Variants in RASA1 observed in about 807,000 individuals in gnomAD.
The protein encoded by RASA1 is ras GTPase-activating protein 1.
Under a neutral mutation model 132.2 loss-of-function variants are expected in RASA1, and 25 were observed. The observed-to-expected ratio is 0.19, with a 90% CI of 0.14 to 0.26. The LOEUF is 0.26. RASA1 is among the 10% of genes least tolerant of loss of function. The probability of loss-of-function intolerance (pLI) is 1.00; values close to 1 mark genes in which losing one functional copy is unlikely to be tolerated. For missense variants in RASA1, 964 were observed against 1,299.2 expected (o/e 0.74, Z 3.97); for synonymous variants, 477 against 449.9 (o/e 1.06, Z -0.76).
At chr5:87,357,883 A>G (rs910311161) in intron 9 of RASA1, among the ~76,000 whole-genome samples, 2 of 152,192 alleles carry the variant, frequency 1.3e-5, no homozygotes, top group Non-Finnish European at 2.9e-5. Context: ...TACTTCAGAA[A>G]TAATTGATGC....
chr5:87,335,661 G>C (rs1304587126), intron 4 of RASA1, among the ~76,000 whole-genome samples: 2 of 150,516 alleles, frequency 1.3e-5, no homozygotes, highest in South Asian at 4.2e-4. Context: ...ACTGACCTCG[G>C]GTGATCTGCC....
chr5:87,313,324 G>A (rs771349818), intron 1 of RASA1, among the ~76,000 whole-genome samples: 11 of 152,166 alleles, frequency 7.2e-5, no homozygotes, highest in Non-Finnish European at 1.6e-4. Flanking sequence ...AGGGAAGAGT[G>A]ATAGATAACT....
intron 6 of RASA1, among the ~76,000 whole-genome samples, chr5:87,342,162 CTTT>C (rs531793273): frequency 5.0e-5 from 7 of 139,762 alleles, no homozygotes; most frequent in Admixed American, 2.1e-4. Context: ...GTTATTTTTT[CTTT>C]TTTTTTTTTT....
At chr5:87,355,421 G>C (rs1017115895) in intron 9 of RASA1, among the ~76,000 whole-genome samples, 3 of 152,154 alleles carry the variant, frequency 2.0e-5, no homozygotes, top group Non-Finnish European at 4.4e-5. Context: ...AAGCCTGCAT[G>C]ATAGCCCATC....
chr5:87,351,271 TTC>T (rs1372025893), intron 8 of RASA1, among the ~76,000 whole-genome samples: 1 of 151,690 alleles, frequency 6.6e-6, no homozygotes, highest in Non-Finnish European at 1.5e-5. Context: ...ACTGTACAAA[TTC>T]TGTGTAAATA....
chr5:87,322,341 A>G (rs2112339396), intron 1 of RASA1, among the ~76,000 whole-genome samples: 1 of 152,266 alleles, frequency 6.6e-6, no homozygotes, highest in East Asian at 1.9e-4. Flanking sequence ...CGCAAACCCT[A>G]TTGTGAACTC....
intron 1 of RASA1, among the ~76,000 whole-genome samples, chr5:87,282,550 G>GT (rs985436545): frequency 5.5e-4 from 83 of 152,244 alleles, no homozygotes; most frequent in African/African-American, 1.9e-3. Context: ...GGGTTTACCT[G>GT]TTTGAGATTT....
chr5:87,316,691 T>TG (rs1242260067), intron 1 of RASA1, among the ~76,000 whole-genome samples: 5 of 152,170 alleles, frequency 3.3e-5, no homozygotes, highest in African/African-American at 1.2e-4. Flanking sequence ...ATCCCTGTTT[T>TG]GGGGGAACTT....
chr5:87,295,265 G>T (rs1390925864), intron 1 of RASA1, among the ~76,000 whole-genome samples: 5 of 151,788 alleles, frequency 3.3e-5, no homozygotes, highest in South Asian at 4.2e-4. Context: ...TCATATAGTA[G>T]GATCTTGTTT....
In RASA1 at chr5:87,379,770, G is replaced by T; in HGVS notation, c.2523G>T (p.Val841=). 6.2e-7 allele frequency: 1 copy of T among 1,612,592 alleles called. No individual in the cohort carries two copies. The highest frequency in any genetic ancestry group is 1.1e-5 in the South Asian group (1 of 90,952). ...CAAAGTTAGAAAAAAATGAAGATGTGAACACTAATTTAACACACCTATTGA... is the reference window on the plus strand; with the variant it reads ...CAAAGTTAGAAAAAAATGAAGATGTTAACACTAATTTAACACACCTATTGA... ...SPSKLEKNED[V]NTNLTHLLNI... The change falls in exon 19 of 25, where the codon GTG becomes GTT. Residue 841 remains valine (V), a synonymous_variant. Transcript: ENST00000274376.
chr5:87,350,614 T>C (rs1462230765), intron 8 of RASA1, among the ~76,000 whole-genome samples: 1 of 151,630 alleles, frequency 6.6e-6, no homozygotes, highest in Non-Finnish European at 1.5e-5. Flanking sequence ...CATGTAAAGG[T>C]AGTCGCTTTT....
chr5:87,337,236 T>C (rs1317661995), intron 4 of RASA1, among the ~76,000 whole-genome samples: 1 of 152,096 alleles, frequency 6.6e-6, no homozygotes, highest in Non-Finnish European at 1.5e-5. Context: ...ACTTGTTGTT[T>C]CCATAATTGT....
chr5:87,386,983 T>C (rs1762106537), intron 23 of RASA1, 80 bp downstream of exon 23: 3 of 1,292,746 alleles, frequency 2.3e-6, no homozygotes, highest in African/African-American at 1.5e-5. Flanking sequence ...CAGCAATCTT[T>C]AGAAAGATTT....
chr5:87,338,561 G>C (rs1458853755), intron 5 of RASA1, among the ~76,000 whole-genome samples: 1 of 119,816 alleles, frequency 8.3e-6, no homozygotes, highest in Admixed American at 8.7e-5. Flanking sequence ...AAGTAGAAAT[G>C]GGGTTTTACC....
intron 1 of RASA1, among the ~76,000 whole-genome samples, chr5:87,322,293 G>T (rs1756880702): frequency 6.6e-6 from 1 of 152,184 alleles, no homozygotes; most frequent in South Asian, 2.1e-4. Context: ...CTGATCAGCA[G>T]AGCTTAGATC....
At chr5:87,272,680 T>G (rs1436050118) in intron 1 of RASA1, among the ~76,000 whole-genome samples, 2 of 152,188 alleles carry the variant, frequency 1.3e-5, no homozygotes, top group African/African-American at 4.8e-5. Context: ...CTAATTCTTT[T>G]GGTTAGAGAA....
At chr5:87,302,585 AC>A (rs1755414475) in intron 1 of RASA1, among the ~76,000 whole-genome samples, 1 of 151,232 alleles carries the variant, frequency 6.6e-6, no homozygotes, top group Non-Finnish European at 1.5e-5. Flanking sequence ...TATTCTATAT[AC>A]TATAGTATAC....
At chr5:87,389,831 A>G (rs560999470) in intron 24 of RASA1, among the ~76,000 whole-genome samples, 96 of 151,380 alleles carry the variant, frequency 6.3e-4, no homozygotes, top group African/African-American at 2.3e-3. Flanking sequence ...TATTGATTTT[A>G]TTTTTTTTTC....
intron 1 of RASA1, among the ~76,000 whole-genome samples, chr5:87,291,625 C>T (rs981851817): frequency 2.3e-4 from 35 of 152,174 alleles, no homozygotes; most frequent in Non-Finnish European, 4.4e-4. Flanking sequence ...GAGGATCCCT[C>T]ATGGCTTGCT....
Sources: gnomAD v4.1 joint callset for allele counts (sites outside exome capture counted in the v4.1 genomes callset) on GRCh38, gnomAD v4.1.1 for gene constraint, MANE v1.5 for transcripts, NCBI Gene and HGNC (gene_info 2026-07-23, HGNC 2026-07-21) for gene names.